IMMP2L: variants seen among roughly 807,000 people sequenced by gnomAD.
The protein encoded by IMMP2L is mitochondrial inner membrane protease subunit 2.
In IMMP2L, 18 loss-of-function variants were observed where a neutral mutation model predicts 19.3. The observed-to-expected ratio is 0.93, with a 90% CI of 0.64 to 1.38. IMMP2L has a LOEUF of 1.38. IMMP2L is among the 40% of genes most tolerant of loss of function. The probability of loss-of-function intolerance (pLI) is 0.00; values close to 1 mark genes in which losing one functional copy is unlikely to be tolerated. For missense variants in IMMP2L, 233 were observed against 218.2 expected, an observed-to-expected ratio of 1.07 and a Z score of -0.43; for synonymous variants, 76 against 73.0, an observed-to-expected ratio of 1.04 and a Z score of -0.21.
chr7:111,437,668 G>A (rs547288204), intron 3 of IMMP2L, among the ~76,000 whole-genome samples: 19 of 151,748 alleles, frequency 1.3e-4, no homozygotes, highest in African/African-American at 3.6e-4. Flanking sequence ...CCATCTGGCC[G>A]CTTTCACCTT....
At chr7:111,410,717 A>T (rs1013165936) in intron 3 of IMMP2L, among the ~76,000 whole-genome samples, 9 of 151,990 alleles carry the variant, frequency 5.9e-5, no homozygotes, top group Middle Eastern at 3.4e-3. Context: ...AGACAAAGAG[A>T]ACATATTGAG....
At chr7:110,993,071 C>T (rs1192289052) in intron 3 of IMMP2L, among the ~76,000 whole-genome samples, 3 of 152,098 alleles carry the variant, frequency 2.0e-5, no homozygotes, top group Admixed American at 6.6e-5. Flanking sequence ...TTTAAAATCA[C>T]AGGAGACTAA....
intron 3 of IMMP2L, among the ~76,000 whole-genome samples, chr7:111,359,725 T>C (rs1373260963): frequency 6.6e-6 from 1 of 152,132 alleles, no homozygotes; most frequent in Non-Finnish European, 1.5e-5. Context: ...TTCATTGTGT[T>C]TGAACCATTA....
At chr7:111,225,526 A>G (rs1030365146) in intron 3 of IMMP2L, among the ~76,000 whole-genome samples, 3 of 152,042 alleles carry the variant, frequency 2.0e-5, no homozygotes, top group African/African-American at 7.2e-5. Context: ...CAAAAAGTTC[A>G]TTGATATGGC....
chr7:110,918,682 C>T (rs1813907510), intron 4 of IMMP2L, among the ~76,000 whole-genome samples: 2 of 151,762 alleles, frequency 1.3e-5, no homozygotes, highest in South Asian at 4.2e-4. Context: ...TCTTGAACTC[C>T]TGACCTCATG....
At chr7:110,996,220 T>C (rs1823011463) in intron 3 of IMMP2L, among the ~76,000 whole-genome samples, 2 of 152,220 alleles carry the variant, frequency 1.3e-5, no homozygotes, top group Middle Eastern at 3.4e-3. Context: ...GGAAGTCCTC[T>C]CTGAAGAAAT....
chr7:111,469,433 A>G (rs1841001837), intron 3 of IMMP2L, among the ~76,000 whole-genome samples: 1 of 151,974 alleles, frequency 6.6e-6, no homozygotes, highest in Non-Finnish European at 1.5e-5. Flanking sequence ...TATTTCATTG[A>G]GCAGTGGTTT....
chr7:111,214,835 A>ATC (rs1811766677), intron 3 of IMMP2L, among the ~76,000 whole-genome samples: 1 of 152,124 alleles, frequency 6.6e-6, no homozygotes, highest in Non-Finnish European at 1.5e-5. Context: ...CATTCAAAAT[A>ATC]CAGCCACAGG....
intron 5 of IMMP2L, among the ~76,000 whole-genome samples, chr7:110,863,855 G>A (rs1386490615): frequency 6.6e-6 from 1 of 152,100 alleles, no homozygotes; most frequent in African/African-American, 2.4e-5. Flanking sequence ...AGGAGCATCT[G>A]TACTCTACTG....
chr7:111,364,346 C>T (rs1829561651), intron 3 of IMMP2L, among the ~76,000 whole-genome samples: 1 of 152,050 alleles, frequency 6.6e-6, no homozygotes. Context: ...TAAAAAAAAT[C>T]TACCTCAATT....
At chr7:111,483,039 C>G (rs1012540096) in intron 3 of IMMP2L, among the ~76,000 whole-genome samples, 1 of 152,118 alleles carries the variant, frequency 6.6e-6, no homozygotes, top group Non-Finnish European at 1.5e-5. Flanking sequence ...CAGGTGAAAT[C>G]TGAATAAGGT....
At chr7:110,992,719 A>G (rs1822610931) in intron 3 of IMMP2L, among the ~76,000 whole-genome samples, 1 of 152,058 alleles carries the variant, frequency 6.6e-6, no homozygotes, top group Non-Finnish European at 1.5e-5. Flanking sequence ...GTTGATATGG[A>G]AAGTTCATCC....
intron 5 of IMMP2L, among the ~76,000 whole-genome samples, chr7:110,772,542 G>T (rs938178421): frequency 6.6e-6 from 1 of 152,070 alleles, no homozygotes; most frequent in African/African-American, 2.4e-5. Flanking sequence ...GCTTGGCTAC[G>T]AGCCCCTTCA....
At chr7:111,549,441 T>A (rs1849238260) in intron 1 of IMMP2L, among the ~76,000 whole-genome samples, 3 of 152,294 alleles carry the variant, frequency 2.0e-5, no homozygotes, top group East Asian at 3.9e-4. Context: ...ATCTTACATA[T>A]CCTTTTCACT....
At chr7:111,345,252 T>C (rs73424025) in intron 3 of IMMP2L, among the ~76,000 whole-genome samples, 1,559 of 152,214 alleles carry the variant, frequency 0.01, 25 homozygotes, top group Middle Eastern at 0.051. Context: ...AAATTCCAAG[T>C]AGACAGATTT....
At chr7:110,827,243 C>T (rs1803582151) in intron 5 of IMMP2L, among the ~76,000 whole-genome samples, 1 of 152,116 alleles carries the variant, frequency 6.6e-6, no homozygotes, top group Admixed American at 6.6e-5. Context: ...AAGCAACCCA[C>T]CCAAAGACCG....
At chr7:110,862,603 C>G (rs1489594368) in intron 5 of IMMP2L, among the ~76,000 whole-genome samples, 1 of 151,652 alleles carries the variant, frequency 6.6e-6, no homozygotes, top group East Asian at 1.9e-4. Context: ...GCCTCAGCCT[C>G]CAAAGTATTG....
intron 5 of IMMP2L, among the ~76,000 whole-genome samples, chr7:110,839,510 T>C (rs1014500943): frequency 4.6e-5 from 7 of 152,080 alleles, no homozygotes; most frequent in African/African-American, 1.7e-4. Flanking sequence ...AACTGCCTCC[T>C]CCTACAGCTG....
chr7:110,865,962 A>T (rs1807940637), intron 5 of IMMP2L, among the ~76,000 whole-genome samples: 1 of 152,020 alleles, frequency 6.6e-6, no homozygotes, highest in African/African-American at 2.4e-5. Flanking sequence ...ACATTCAGGT[A>T]TTGGGAGCTA....
Sources: allele counts gnomAD v4.1 joint callset (sites outside exome capture counted in the v4.1 genomes callset), GRCh38; gene constraint gnomAD v4.1.1; transcripts MANE v1.5; gene names NCBI Gene and HGNC (gene_info 2026-07-23, HGNC 2026-07-21).